Variants in CARD14 observed in about 807,000 individuals in gnomAD.
CARD14 encodes the protein caspase recruitment domain-containing protein 14.
A neutral mutation model predicts 111.5 loss-of-function variants in CARD14; 107 were observed. The observed-to-expected ratio is 0.96, with a 90% CI of 0.82 to 1.13. The LOEUF (loss-of-function observed/expected upper bound fraction) is 1.13, where lower values mean the gene tolerates loss of function less well. Ranked by LOEUF, CARD14 falls within the 50% of genes most tolerant of loss-of-function variation. The pLI is 0.00. For missense variants in CARD14, 1,322 were observed against 1,362.3 expected (o/e 0.97, Z 0.47); for synonymous variants, 617 against 579.6 (o/e 1.06, Z -0.93).
At chr17:80,192,698 G>T in intron 12 of CARD14, 79 bp downstream of exon 12, 1 of 967,256 alleles carries the variant, frequency 1.0e-6, no homozygotes, top group East Asian at 2.4e-5. Context: ...GGACGAAAGT[G>T]AGCCTCCTTC....
At chr17:80,173,599 T>C (rs957015931) in intron 2 of CARD14, among the ~76,000 whole-genome samples, 1 of 150,862 alleles carries the variant, frequency 6.6e-6, no homozygotes, top group African/African-American at 2.5e-5. Flanking sequence ...GCATCCAGAT[T>C]CGGCATTTTT....
chr17:80,199,561 C>CA (rs34737700), intron 16 of CARD14, among the ~76,000 whole-genome samples: 6,739 of 68,662 alleles, frequency 0.098, 611 homozygotes, highest in African/African-American at 0.25. Context: ...AGCCTTGTCT[C>CA]AAAAAAAAAA....
chr17:80,178,466 T>C (rs2144119156), intron 2 of CARD14, 42 bp from the exon 3 acceptor site: 1 of 152,348 alleles, frequency 6.6e-6, no homozygotes, highest in Middle Eastern at 3.4e-3. Flanking sequence ...TCACATGGCT[T>C]TGAAATCACG....
chr17:80,208,225 T>C lies in CARD14; in HGVS notation c.2895T>C (p.Cys965=). The change falls in exon 24 of 24, where the codon TGT becomes TGC. Residue 965 remains cysteine, a synonymous_variant. Coordinates refer to ENST00000648509, the MANE Select transcript of CARD14 (RefSeq NM_001366385.1). ...QEEGDLDRAP[C]LYSSLAPDGW... ...AGGGAGACCTGGACCGGGCGCCCTG[T>C]CTATACAGCAGCCTGGCTCCTGACG... 1 of 1,567,822 alleles carries C rather than the reference T, an allele frequency of 6.4e-7. No homozygotes were observed. Among genetic ancestry groups the C allele is most frequent in the African/African-American group, 1.3e-5 (1 of 74,552 alleles).
rs370687430 is a variant in CARD14 at position 80,198,440 on chromosome 17, G to A, written c.1700G>A (p.Ser567Asn). 44 of 1,611,022 alleles carry A rather than the reference G, an allele frequency of 2.7e-5. No homozygotes were observed. Among genetic ancestry groups the A allele is most frequent in the Non-Finnish European group, 3.7e-5 (44 of 1,178,398 alleles). The change falls in exon 16 of 24, where the codon AGC becomes AAC. Residue 567 changes from serine (S) to asparagine (N), a missense_variant. Ser to Asn is a conservative substitution (Grantham distance 46). Coordinates refer to ENST00000648509, the MANE Select transcript of CARD14 (RefSeq NM_001366385.1). This position sits in a 1 kb window ranked among gnomAD's most constrained non-coding sequence, Gnocchi z 7.5. ...CGGAGGCCAGCCCGCAGGATCCTGA[G>A]CCAGGTCACCATGCTGGCGTTCCAG... Reference protein sequence around the residue: ...MRRRPARRILSQVTMLAFQGD... With the variant: ...MRRRPARRILNQVTMLAFQGD...
At chr17:80,186,010 T>C (rs1397871129) in intron 7 of CARD14, among the ~76,000 whole-genome samples, 3 of 152,238 alleles carry the variant, frequency 2.0e-5, no homozygotes, top group Non-Finnish European at 4.4e-5. Context: ...GAATGGCTCT[T>C]TCTTTTCTTC....
intron 1 of CARD14, among the ~76,000 whole-genome samples, chr17:80,172,097 G>C (rs916393730): frequency 6.6e-6 from 1 of 152,256 alleles, no homozygotes; most frequent in Non-Finnish European, 1.5e-5. Context: ...TAAGATACTG[G>C]AGAGCGTGCC....
chr17:80,196,329 T>C (rs2040712670), intron 14 of CARD14: 1 of 152,228 alleles, frequency 6.6e-6, no homozygotes, highest in African/African-American at 2.4e-5. Flanking sequence ...ATCAGAAATC[T>C]TCATCTTTGG....
rs373767869 is a variant in CARD14 at position 80,205,520 on chromosome 17, G to A, written c.2570-11G>A. ...CTGGTCTATGATGGCCCCGTCCAAT[G>A]TCACCTGTAGAGTACTTGAGCCAGG... On this transcript the variant is annotated splice_polypyrimidine_tract_variant and intron_variant, in intron 21 of 23. Transcript: ENST00000648509. The A allele has an allele frequency of 5.7e-6, 9 of 1,582,280 alleles. No individual in the cohort carries two copies. Among genetic ancestry groups the A allele is most frequent in the Admixed American group, 5.4e-5 (3 of 55,376 alleles).
rs142309150 is a variant in CARD14 at position 80,191,289 on chromosome 17, G to A, written c.1090-34G>A. ...CTAGCTGAGGCTCCCCGGTGGTGAT[G>A]GCGCGGCCTCCTTACTCCCGTCGTG... On this transcript the variant is annotated intron_variant, in intron 10 of 23. Transcript: ENST00000648509. The A allele has an allele frequency of 0.016, 25,112 of 1,595,844 alleles. 269 individuals carry two copies. The highest frequency in any genetic ancestry group is 0.017 in the Non-Finnish European group (20,011 of 1,165,554).
intron 5 of CARD14, 92 bp downstream of exon 5, chr17:80,181,741 G>T (rs1281125186): frequency 1.7e-6 from 2 of 1,176,292 alleles, no homozygotes; most frequent in Non-Finnish European, 1.2e-6. Context: ...GTCTCTTCTC[G>T]TCCTGTCTCT....
chr17:80,194,623 A>G (rs1423907107), intron 12 of CARD14, among the ~76,000 whole-genome samples: 1 of 152,212 alleles, frequency 6.6e-6, no homozygotes, highest in Non-Finnish European at 1.5e-5. Flanking sequence ...ACAGTTCAGC[A>G]TGGCTGGGGA....
chr17:80,201,951 G>A lies in CARD14; in HGVS notation c.1978+81G>A, dbSNP rs1031626739. The A allele has an allele frequency of 1.0e-5, 15 of 1,495,512 alleles. No homozygotes were observed. The highest frequency in any genetic ancestry group is 5.3e-5 in the South Asian group (4 of 76,104). 92.6% of individuals were successfully genotyped at this position (1,495,512 alleles called of 1,614,324 possible). On this transcript the variant is annotated intron_variant, in intron 17 of 23. Coordinates refer to ENST00000648509, the MANE Select transcript of CARD14 (RefSeq NM_001366385.1). The surrounding 1 kb of genome is among the most constrained non-coding windows in gnomAD (Gnocchi z 5.0). Reference sequence around the variant, plus strand: ...TAAGTCCCTGGTGGTTCTTCTGCACGCCCAGCAGCCAGGGACCCCCAGAGC... The same window carrying A: ...TAAGTCCCTGGTGGTTCTTCTGCACACCCAGCAGCCAGGGACCCCCAGAGC...
At chr17:80,170,817 C>T (rs1211990903) in intron 1 of CARD14, among the ~76,000 whole-genome samples, 3 of 106,488 alleles carry the variant, frequency 2.8e-5, no homozygotes, top group East Asian at 7.3e-4. Flanking sequence ...CCTCTCCCCT[C>T]CCCTCCTCTC....
In CARD14 at chr17:80,208,487, T is replaced by C; in HGVS notation, c.*142T>C. The C allele has an allele frequency of 4.2e-6, 3 of 717,626 alleles. No individual in the cohort carries two copies. Among genetic ancestry groups the C allele is most frequent in the Non-Finnish European group, 4.4e-6 (2 of 452,882 alleles). The allele number at this position is 717,626 out of a possible 1,614,324, so 44.5% of individuals were successfully genotyped here. A position where few individuals can be genotyped will look rare whatever the true frequency, so the allele number is the denominator to read the frequency against. Reference sequence around the variant, plus strand: ...TCTCCCCACTGGCTGGGGTCTAACCTTGAACCCTCACCACGTGCAGGTCAC... The same window carrying C: ...TCTCCCCACTGGCTGGGGTCTAACCCTGAACCCTCACCACGTGCAGGTCAC... On this transcript the variant is annotated 3_prime_UTR_variant, in exon 24 of 24. Coordinates refer to ENST00000648509, the MANE Select transcript of CARD14 (RefSeq NM_001366385.1).
At position 80,204,212 on chromosome 17, in the gene CARD14, C is replaced by T. The variant is rs2041147794; in HGVS notation, c.2284-15C>T. 1.3e-6 allele frequency: 2 copies of T among 1,574,314 alleles called. No individual in the cohort carries two copies. Among genetic ancestry groups the T allele is most frequent in the African/African-American group, 2.7e-5 (2 of 73,928 alleles). ...TCAACAGCTCCTCCTCATCCTTTCT[C>T]TGTCCCTCCTTTAGCCATCTTCTGG... On this transcript the variant is annotated splice_polypyrimidine_tract_variant and intron_variant, in intron 19 of 23. Transcript: ENST00000648509.
chr17:80,196,377 CGA>C (rs1015809987), intron 14 of CARD14: 2 of 152,168 alleles, frequency 1.3e-5, no homozygotes, highest in African/African-American at 4.8e-5. Flanking sequence ...CGTGATAAAT[CGA>C]GAGAGACCAC....
Position 80,181,461 on chromosome 17 carries a change from A to T in CARD14, c.23A>T (p.Asp8Val). MGELCRRDSALTALDEET... is the reference protein window; with the variant it reads MGELCRRVSALTALDEET... The stretch of plus-strand genomic sequence containing the variant: ...GCCATGGGGGAACTGTGCCGCAGGG[A>T]CTCCGCACTCACGGCACTGGACGAG... The change falls in exon 5 of 24, where the codon GAC becomes GTC. Residue 8 changes from aspartate to valine, a missense_variant. Transcript: ENST00000648509. 1 of 1,579,150 alleles carries T rather than the reference A, an allele frequency of 6.3e-7. No homozygotes were observed. Among genetic ancestry groups the T allele is most frequent in the Non-Finnish European group, 8.6e-7 (1 of 1,162,496 alleles).
Position 80,188,718 on chromosome 17 carries a change from G to A in CARD14, c.843+174G>A, listed in dbSNP as rs1034345704. 4.2e-5 allele frequency: 25 copies of A among 592,342 alleles called. No individual in the cohort carries two copies. Among genetic ancestry groups the A allele is most frequent in the Non-Finnish European group, 6.3e-5 (25 of 399,046 alleles). The allele number at this position is 592,342 out of a possible 1,614,324, so 36.7% of individuals were successfully genotyped here. A position where few individuals can be genotyped will look rare whatever the true frequency, so the allele number is the denominator to read the frequency against. The stretch of plus-strand genomic sequence containing the variant: ...CCTCCTTCCTTCCTGCTGTTCCCCA[G>A]ACCCCAAAATTGGCAGAATTAAAAG... On this transcript the variant is annotated intron_variant, in intron 8 of 23. Transcript: ENST00000648509. The surrounding 1 kb of genome is among the most constrained non-coding windows in gnomAD (Gnocchi z 4.5).
Sources: allele counts gnomAD v4.1 joint callset (sites outside exome capture counted in the v4.1 genomes callset), GRCh38; gene constraint gnomAD v4.1.1; non-coding constraint Gnocchi (gnomAD v3.1); transcripts MANE v1.5; gene names NCBI Gene and HGNC (gene_info 2026-07-23, HGNC 2026-07-21).